The following PPP2R2A variants were observed in gnomAD, a reference collection of about 807,000 sequenced individuals.
PPP2R2A encodes serine/threonine-protein phosphatase 2A 55 kDa regulatory subunit B alpha isoform.
In PPP2R2A, 9 loss-of-function variants were observed where a neutral mutation model predicts 53.2. That is an observed-to-expected ratio of 0.17 (90% CI 0.10 to 0.30). The LOEUF is 0.30. Ranked by LOEUF, PPP2R2A falls within the 10% of genes least tolerant of loss-of-function variation. PPP2R2A has a pLI of 1.00. For synonymous variants in PPP2R2A, 169 were observed against 174.2 expected, an observed-to-expected ratio of 0.97 and a Z score of 0.23; for missense variants, 235 against 534.6, an observed-to-expected ratio of 0.44 and a Z score of 5.53.
At chr8:26,301,390 T>C (rs1801778666) in intron 2 of PPP2R2A, among the ~76,000 whole-genome samples, 2 of 150,646 alleles carry the variant, frequency 1.3e-5, no homozygotes, top group Admixed American at 1.3e-4. Flanking sequence ...TGGAGTGCAA[T>C]GGCGTGATCA....
chr8:26,368,683 C>CA lies in PPP2R2A; in HGVS notation c.1065-1450dup, dbSNP rs1805508144. ...GGACATGGCAGCATATGCCTGTAGT[C>CA]ACAGCTACTCAGGAGACTGAAGTGC... On this transcript the variant is annotated intron_variant, in intron 9 of 9. Coordinates refer to ENST00000380737, the MANE Select transcript of PPP2R2A (RefSeq NM_002717.4). 2.0e-5 allele frequency among the ~76,000 whole-genome samples: 3 copies of CA among 152,244 alleles called. No individual in the cohort carries two copies. In the South Asian group the frequency reaches 6.2e-4, roughly 32 times the overall value.
chr8:26,325,293 A>G (rs1341585269), intron 2 of PPP2R2A, among the ~76,000 whole-genome samples: 1 of 151,906 alleles, frequency 6.6e-6, no homozygotes, highest in Non-Finnish European at 1.5e-5. Context: ...CGTGATAGTA[A>G]GTCTCATGAG....
intron 2 of PPP2R2A, among the ~76,000 whole-genome samples, chr8:26,306,943 TTA>T (rs1192243963): frequency 6.6e-6 from 1 of 152,266 alleles, no homozygotes; most frequent in Non-Finnish European, 1.5e-5. Flanking sequence ...CACAGGTTTC[TTA>T]TATATCATTC....
Position 26,360,673 on chromosome 8 carries a change from C to G in PPP2R2A, c.460-301C>G. ...GTTATGGGTTAATTTTCTTTTTAGC[C>G]TCTTTAATCTGAACCATAAACATTT... On this transcript the variant is annotated intron_variant, in intron 5 of 9. Transcript: ENST00000380737. This position sits in a 1 kb window ranked among gnomAD's most constrained non-coding sequence, Gnocchi z 4.5. The G allele has an allele frequency of 3.0e-6, 1 of 332,646 alleles. No individual in the cohort carries two copies. The highest frequency in any genetic ancestry group is 5.4e-6 in the Non-Finnish European group (1 of 186,486). The allele number at this position is 332,646 out of a possible 1,614,324, so 20.6% of individuals were successfully genotyped here. A position where few individuals can be genotyped will look rare whatever the true frequency, so the allele number is the denominator to read the frequency against.
chr8:26,296,679 A>G (rs754265471), intron 2 of PPP2R2A, among the ~76,000 whole-genome samples: 1 of 152,208 alleles, frequency 6.6e-6, no homozygotes, highest in African/African-American at 2.4e-5. Context: ...TGCTCTGTCT[A>G]GAACAGTGCC....
intron 2 of PPP2R2A, chr8:26,293,968 G>C (rs1330550574): frequency 2.0e-6 from 1 of 500,134 alleles, no homozygotes; most frequent in Non-Finnish European, 3.6e-6. Context: ...TGGAAGGAGC[G>C]GTAGATGATG....
chr8:26,306,203 T>TG (rs1442219137), intron 2 of PPP2R2A, among the ~76,000 whole-genome samples: 1 of 150,704 alleles, frequency 6.6e-6, no homozygotes, highest in Non-Finnish European at 1.5e-5. Flanking sequence ...AGACTGGACG[T>TG]GGTGACTCAC....
intron 2 of PPP2R2A, among the ~76,000 whole-genome samples, chr8:26,327,996 A>G (rs770564385): frequency 6.6e-6 from 1 of 152,224 alleles, no homozygotes; most frequent in Non-Finnish European, 1.5e-5. Flanking sequence ...GATCTATAGT[A>G]CCAGCTGTGT....
At chr8:26,326,435 A>G (rs878910) in intron 2 of PPP2R2A, among the ~76,000 whole-genome samples, 35,260 of 152,118 alleles carry the variant, frequency 0.23, 5,062 homozygotes, top group Non-Finnish European at 0.32. Flanking sequence ...CATTTTCTCT[A>G]AATATTTTGC....
In PPP2R2A at chr8:26,362,076, A is replaced by T. The variant is rs573938979; in HGVS notation, c.638-608A>T. ...ATTAAGATTAATTTTAAGATTAGAA[A>T]AAGATTAATAATTAGATTAGATTAG... On this transcript the variant is annotated intron_variant, in intron 6 of 9. Transcript: ENST00000380737. The surrounding 1 kb of genome is among the most constrained non-coding windows in gnomAD (Gnocchi z 4.4). Among the ~76,000 whole-genome samples the T allele has an allele frequency of 6.0e-5, 9 of 148,878 alleles. No homozygotes were observed. The highest frequency in any genetic ancestry group is 2.0e-4 in the African/African-American group (8 of 39,934).
chr8:26,315,802 T>A (rs1206940499), intron 2 of PPP2R2A, among the ~76,000 whole-genome samples: 1 of 152,224 alleles, frequency 6.6e-6, no homozygotes, highest in Non-Finnish European at 1.5e-5. Context: ...AGACTGTTTT[T>A]ATTAGTTTAC....
intron 2 of PPP2R2A, among the ~76,000 whole-genome samples, chr8:26,323,835 A>G (rs923734633): frequency 2.2e-4 from 34 of 152,124 alleles, no homozygotes; most frequent in African/African-American, 8.0e-4. Context: ...CTCAGTCTTC[A>G]GCCCCACTCC....
intron 3 of PPP2R2A, among the ~76,000 whole-genome samples, chr8:26,345,342 TTAA>T (rs1193119501): frequency 1.3e-5 from 2 of 152,332 alleles, no homozygotes; most frequent in Admixed American, 6.5e-5. Context: ...ATTCTTATTA[TTAA>T]TAATTTTTCC....
intron 8 of PPP2R2A, among the ~76,000 whole-genome samples, chr8:26,364,524 A>C (rs1050666434): frequency 6.6e-6 from 1 of 152,220 alleles, no homozygotes; most frequent in Non-Finnish European, 1.5e-5. Flanking sequence ...GGGACAGCAC[A>C]AACCTGTGCT....
Position 26,362,757 on chromosome 8 carries a change from C to CTTT in PPP2R2A, c.711_712insTTT (p.Asn237_Ser238insPhe). The CTTT allele has an allele frequency of 6.2e-7, 1 of 1,614,044 alleles. No homozygotes were observed. The highest frequency in any genetic ancestry group is 8.5e-7 in the Non-Finnish European group (1 of 1,179,898). On this transcript the variant is annotated inframe_insertion, in exon 7 of 10. Coordinates refer to ENST00000380737, the MANE Select transcript of PPP2R2A (RefSeq NM_002717.4). This position sits in a 1 kb window ranked among gnomAD's most constrained non-coding sequence, Gnocchi z 4.4. The stretch of plus-strand genomic sequence containing the variant: ...TTACAGCAGCAGAATTTCATCCAAA[C>CTTT]AGCTGTAACACATTTGTATACAGCA...
chr8:26,357,237 A>G (rs995774063), intron 4 of PPP2R2A, among the ~76,000 whole-genome samples: 6 of 139,890 alleles, frequency 4.3e-5, no homozygotes, highest in African/African-American at 1.6e-4. Context: ...CTTTTATATT[A>G]TTTTGTGTAT....
chr8:26,358,149 A>C (rs1169389658), intron 4 of PPP2R2A, among the ~76,000 whole-genome samples: 1 of 152,056 alleles, frequency 6.6e-6, no homozygotes, highest in African/African-American at 2.4e-5. Context: ...AACATTTTTT[A>C]AAGAGCTTTC....
chr8:26,366,552 A>G (rs979402173), intron 9 of PPP2R2A, 146 bp downstream of exon 9: 5 of 490,910 alleles, frequency 1.0e-5, no homozygotes, highest in Non-Finnish European at 1.7e-5. Context: ...TAGATAAAAA[A>G]TTAAAGCATT....
chr8:26,321,841 A>G lies in PPP2R2A; in HGVS notation c.83-17049A>G, dbSNP rs991715888. Among the ~76,000 whole-genome samples, 2 of 152,202 alleles carry G rather than the reference A, an allele frequency of 1.3e-5. No homozygotes were observed. The highest frequency in any genetic ancestry group is 2.9e-5 in the Non-Finnish European group (2 of 68,028). On this transcript the variant is annotated intron_variant, in intron 2 of 9. Transcript: ENST00000380737. The surrounding 1 kb of genome is among the most constrained non-coding windows in gnomAD (Gnocchi z 4.1). Reference sequence around the variant, plus strand: ...GTTTTAAGCTGCTACCTTTGGGACAATTTTTAAGGCAGCAATAGAGAACTT... The same window carrying G: ...GTTTTAAGCTGCTACCTTTGGGACAGTTTTTAAGGCAGCAATAGAGAACTT...
Sources: allele counts gnomAD v4.1 joint callset (sites outside exome capture counted in the v4.1 genomes callset), GRCh38; gene constraint gnomAD v4.1.1; non-coding constraint Gnocchi (gnomAD v3.1); transcripts MANE v1.5; gene names NCBI Gene and HGNC (gene_info 2026-07-23, HGNC 2026-07-21).